RBFOX1: variants seen among roughly 807,000 people sequenced by gnomAD.
RBFOX1 encodes RNA binding protein fox-1 homolog 1.
RBFOX1 carries 8 observed loss-of-function variants against 57.7 expected under a neutral mutation model. The observed-to-expected ratio is 0.14, with a 90% CI of 0.08 to 0.25. The LOEUF is 0.25. Among genes scored for constraint, RBFOX1 ranks in the 10% least tolerant of loss-of-function variants. The probability of loss-of-function intolerance (pLI) is 1.00; values close to 1 mark genes in which losing one functional copy is unlikely to be tolerated. For missense variants in RBFOX1, 611 were observed against 548.5 expected, an observed-to-expected ratio of 1.11 and a Z score of -1.14; for synonymous variants, 326 against 222.4, an observed-to-expected ratio of 1.47 and a Z score of -4.15.
chr16:6,106,401 G>C (rs994128097), intron 1 of RBFOX1, among the ~76,000 whole-genome samples: 5 of 147,702 alleles, frequency 3.4e-5, no homozygotes, highest in African/African-American at 1.0e-4. Flanking sequence ...TGGAGTGGGA[G>C]GTTGTAGTAA....
rs565450115 is a variant in RBFOX1 at position 6,347,749 on chromosome 16, A to G, written c.-64+30692A>G. Among the ~76,000 whole-genome samples, 10 of 152,348 alleles carry G rather than the reference A, an allele frequency of 6.6e-5. No homozygotes were observed. The South Asian group carries it at 1.9e-3, about 28-fold the overall frequency. ...TAAGACACATTCACAGTACACAGTG[A>G]CAGTGCTTGGAAACATCAAAATTGA... On this transcript the variant is annotated intron_variant, in intron 2 of 15. Coordinates refer to ENST00000550418, the MANE Select transcript of RBFOX1 (RefSeq NM_018723.4).
chr16:5,554,648 TA>T (rs1456815849), intron 2 of RBFOX1, among the ~76,000 whole-genome samples: 9 of 152,166 alleles, frequency 5.9e-5, no homozygotes, highest in Non-Finnish European at 1.3e-4. Flanking sequence ...ATTCTGCACT[TA>T]CACAAATTTA....
intron 3 of RBFOX1, among the ~76,000 whole-genome samples, chr16:6,780,798 A>T (rs987975271): frequency 6.6e-6 from 1 of 151,738 alleles, no homozygotes; most frequent in Non-Finnish European, 1.5e-5. Flanking sequence ...TCTTCTTGAG[A>T]ATTGTCTATT....
chr16:7,683,987 AGGTAGTATACTATGGAT>A (rs1035994662), intron 14 of RBFOX1, among the ~76,000 whole-genome samples: 1 of 152,154 alleles, frequency 6.6e-6, no homozygotes, highest in African/African-American at 2.4e-5. Context: ...TTATGTCACT[AGGTAGTATACTATGGAT>A]GGTAGTATAC....
chr16:6,339,999 A>G lies in RBFOX1; in HGVS notation c.-64+22942A>G, dbSNP rs190025274. 3.2e-3 allele frequency among the ~76,000 whole-genome samples: 484 copies of G among 152,254 alleles called. 7 individuals are homozygous for G. Among genetic ancestry groups the G allele is most frequent in the African/African-American group, 0.01 (417 of 41,538 alleles). On this transcript the variant is annotated intron_variant, in intron 2 of 15. Transcript: ENST00000550418. ...GCCCATCTTAAGCAATTCTTAAACA[A>G]AAGCTTTATGATTCTAGTATCAGAA...
At chr16:5,936,649 T>C (rs576337013) in intron 4 of RBFOX1, among the ~76,000 whole-genome samples, 2 of 152,322 alleles carry the variant, frequency 1.3e-5, no homozygotes, top group African/African-American at 4.8e-5. Context: ...AGAACAAGGA[T>C]GTACCTTTCA....
At chr16:7,268,332 A>G (rs1328737123) in intron 4 of RBFOX1, among the ~76,000 whole-genome samples, 3 of 152,148 alleles carry the variant, frequency 2.0e-5, no homozygotes, top group African/African-American at 2.4e-5. Flanking sequence ...GTGGAAGTGG[A>G]GAAACCAAGG....
At chr16:7,577,189 T>C (rs1279100379) in intron 5 of RBFOX1, among the ~76,000 whole-genome samples, 1 of 152,176 alleles carries the variant, frequency 6.6e-6, no homozygotes, top group African/African-American at 2.4e-5. Flanking sequence ...TAAACAGACA[T>C]TTATCATTTG....
At chr16:7,486,089 C>A in intron 4 of RBFOX1, among the ~76,000 whole-genome samples, 1 of 142,908 alleles carries the variant, frequency 7.0e-6, no homozygotes, top group African/African-American at 2.6e-5. Flanking sequence ...CTTCACTGTG[C>A]TGTCTGTGGG....
intron 4 of RBFOX1, among the ~76,000 whole-genome samples, chr16:5,923,229 T>G (rs1490411688): frequency 6.6e-6 from 1 of 152,054 alleles, no homozygotes; most frequent in Non-Finnish European, 1.5e-5. Context: ...ATTTACAATT[T>G]AAATAAGAAA....
chr16:7,416,620 G>T (rs1215252920), intron 4 of RBFOX1, among the ~76,000 whole-genome samples: 1 of 152,116 alleles, frequency 6.6e-6, no homozygotes, highest in Non-Finnish European at 1.5e-5. Context: ...ATATAGAAAA[G>T]CACCCACGAT....
chr16:6,829,890 C>T (rs775853744), intron 3 of RBFOX1, among the ~76,000 whole-genome samples: 1 of 152,080 alleles, frequency 6.6e-6, no homozygotes, highest in East Asian at 1.9e-4. Context: ...GTGTAAACCA[C>T]CATGCCCAGC....
chr16:5,937,799 A>G (rs887474529), intron 4 of RBFOX1, among the ~76,000 whole-genome samples: 5 of 149,726 alleles, frequency 3.3e-5, no homozygotes, highest in Admixed American at 6.7e-5. Flanking sequence ...ATATATACCT[A>G]TATAAATTAT....
At chr16:6,174,025 G>A (rs965122460) in intron 1 of RBFOX1, among the ~76,000 whole-genome samples, 1 of 152,110 alleles carries the variant, frequency 6.6e-6, no homozygotes, top group African/African-American at 2.4e-5. Context: ...TCTCAACTCT[G>A]TAGTAGCAGA....
At chr16:7,324,082 T>C (rs562695459) in intron 4 of RBFOX1, among the ~76,000 whole-genome samples, 67 of 152,262 alleles carry the variant, frequency 4.4e-4, no homozygotes, top group African/African-American at 1.6e-3. Flanking sequence ...TATATGCTAA[T>C]AGTCATCATG....
Position 5,972,788 on chromosome 16 carries a change from T to C in RBFOX1, c.351+105453T>C, listed in dbSNP as rs142286880. On this transcript the variant is annotated intron_variant, in intron 4 of 19. Coordinates refer to the RBFOX1 transcript ENST00000641259. ...CACTCCAGAGAATCTCCTATCTGTT[T>C]GCCACCTTCCTGGGCACCATGCACC... Among the ~76,000 whole-genome samples, 29 of 152,350 alleles carry C rather than the reference T, an allele frequency of 1.9e-4. No individual in the cohort carries two copies. In the Middle Eastern group the frequency reaches 0.01, roughly 54 times the overall value.
chr16:6,597,048 C>A (rs150884371), intron 2 of RBFOX1, among the ~76,000 whole-genome samples: 167 of 152,202 alleles, frequency 1.1e-3, no homozygotes, highest in Admixed American at 2.2e-3. Context: ...ATTTTCTTGC[C>A]CCCTACAGTG....
intron 2 of RBFOX1, among the ~76,000 whole-genome samples, chr16:6,503,251 C>T (rs948465966): frequency 6.6e-6 from 1 of 151,932 alleles, no homozygotes; most frequent in Non-Finnish European, 1.5e-5. Flanking sequence ...AGCACAGCCC[C>T]CAAATATCTA....
intron 4 of RBFOX1, among the ~76,000 whole-genome samples, chr16:6,008,647 A>G (rs747868155): frequency 6.6e-6 from 1 of 152,188 alleles, no homozygotes; most frequent in Non-Finnish European, 1.5e-5. Context: ...AAGATGGAGC[A>G]GAGGGAAGGG....
Sources: gnomAD v4.1 joint callset for allele counts (sites outside exome capture counted in the v4.1 genomes callset) on GRCh38, gnomAD v4.1.1 for gene constraint, MANE v1.5 for transcripts, NCBI Gene and HGNC (gene_info 2026-07-23, HGNC 2026-07-21) for gene names.